The following ASCC3 variants were observed in gnomAD, a reference collection of about 807,000 sequenced individuals.
ASCC3 encodes activating signal cointegrator 1 complex subunit 3.
In ASCC3, 158 loss-of-function variants were observed where a neutral mutation model predicts 256.3. That is an observed-to-expected ratio of 0.62 (90% confidence interval 0.54 to 0.70). The LOEUF is 0.70. Among genes scored for constraint, ASCC3 ranks in the 30% least tolerant of loss-of-function variants. ASCC3 has a pLI of 0.00. For missense variants in ASCC3, 2,259 were observed against 2,626.0 expected, an observed-to-expected ratio of 0.86 and a Z score of 3.05; for synonymous variants, 948 against 883.4, an observed-to-expected ratio of 1.07 and a Z score of -1.30.
At chr6:100,576,224 G>T in intron 36 of ASCC3, among the ~76,000 whole-genome samples, 1 of 151,668 alleles carries the variant, frequency 6.6e-6, no homozygotes, top group East Asian at 1.9e-4. Flanking sequence ...ACTTGGCAAG[G>T]GTTCTTATGA....
At chr6:100,685,339 A>G (rs1777523251) in intron 13 of ASCC3, among the ~76,000 whole-genome samples, 1 of 152,108 alleles carries the variant, frequency 6.6e-6, no homozygotes, top group Non-Finnish European at 1.5e-5. Flanking sequence ...ACAGCCACTT[A>G]TCTGTCTTGC....
At chr6:100,737,028 T>A (rs1444731998) in intron 10 of ASCC3, among the ~76,000 whole-genome samples, 1 of 151,902 alleles carries the variant, frequency 6.6e-6, no homozygotes, top group Admixed American at 6.6e-5. Flanking sequence ...GCGCCTGTAG[T>A]CCCAGCTACT....
At chr6:100,564,855 G>T (rs1272178559) in intron 36 of ASCC3, among the ~76,000 whole-genome samples, 1 of 152,142 alleles carries the variant, frequency 6.6e-6, no homozygotes, top group Non-Finnish European at 1.5e-5. Context: ...AGTTGTAGAA[G>T]AAGGAAGAGA....
chr6:100,642,521 A>G (rs1775177758), intron 24 of ASCC3, 60 bp downstream of exon 24: 1 of 1,565,322 alleles, frequency 6.4e-7, no homozygotes. Flanking sequence ...ATTTTTCAAC[A>G]TTAATTAAAA....
chr6:100,602,524 G>A (rs1250246549), intron 33 of ASCC3, among the ~76,000 whole-genome samples: 1 of 152,038 alleles, frequency 6.6e-6, no homozygotes, highest in Non-Finnish European at 1.5e-5. Context: ...GTAAGAGCAG[G>A]CAACAGAAGA....
chr6:100,613,220 A>T (rs1773497636), intron 30 of ASCC3, among the ~76,000 whole-genome samples: 1 of 151,954 alleles, frequency 6.6e-6, no homozygotes, highest in African/African-American at 2.4e-5. Context: ...CATTGTACCC[A>T]TTAAGTAATT....
intron 3 of ASCC3, among the ~76,000 whole-genome samples, chr6:100,851,004 G>C (rs1772639053): frequency 6.6e-6 from 1 of 151,914 alleles, no homozygotes; most frequent in African/African-American, 2.4e-5. Context: ...AGATAGTATT[G>C]CTAACACTTT....
intron 14 of ASCC3, among the ~76,000 whole-genome samples, chr6:100,676,392 C>T (rs889383756): frequency 6.6e-6 from 1 of 152,140 alleles, no homozygotes; most frequent in Admixed American, 6.5e-5. Context: ...AGGCCACAAA[C>T]CTTCTAGAGG....
intron 39 of ASCC3, among the ~76,000 whole-genome samples, chr6:100,515,272 T>A (rs1286449930): frequency 6.6e-6 from 1 of 152,186 alleles, no homozygotes; most frequent in East Asian, 1.9e-4. Flanking sequence ...GCATTTATTA[T>A]GAATATTTAA....
chr6:100,606,947 G>C lies in ASCC3; in HGVS notation c.4923+4C>G. The C allele has an allele frequency of 1.9e-6, 3 of 1,613,120 alleles. No homozygotes were observed. Among genetic ancestry groups the C allele is most frequent in the Non-Finnish European group, 2.5e-6 (3 of 1,179,542 alleles). On this transcript the variant is annotated splice_donor_region_variant and intron_variant, in intron 31 of 41. Transcript: ENST00000369162. ...ATATGTGTTCACTGGAGAAAAAAAA[G>C]TACCTGAACTTTACAGTTTACAAAT...
intron 37 of ASCC3, among the ~76,000 whole-genome samples, chr6:100,527,541 T>C (rs939307965): frequency 7.9e-5 from 12 of 152,190 alleles, no homozygotes; most frequent in African/African-American, 2.9e-4. Flanking sequence ...CATTCTTTAA[T>C]ACATCACCAA....
intron 17 of ASCC3, among the ~76,000 whole-genome samples, chr6:100,653,980 T>C (rs1376700013): frequency 1.3e-5 from 2 of 152,038 alleles, no homozygotes; most frequent in African/African-American, 4.8e-5. Context: ...ACTACTACCA[T>C]TTGTTCTAAC....
At chr6:100,593,273 C>A (rs944188987) in intron 34 of ASCC3, among the ~76,000 whole-genome samples, 2 of 152,072 alleles carry the variant, frequency 1.3e-5, no homozygotes, top group Non-Finnish European at 2.9e-5. Flanking sequence ...CTGACAGCAT[C>A]CAGCACATGG....
chr6:100,623,177 T>C (rs1214898081), intron 30 of ASCC3, among the ~76,000 whole-genome samples: 1 of 152,174 alleles, frequency 6.6e-6, no homozygotes, highest in Non-Finnish European at 1.5e-5. Flanking sequence ...GGATGATTAT[T>C]CAGATATCAA....
At chr6:100,670,180 G>T (rs1175695311) in intron 14 of ASCC3, among the ~76,000 whole-genome samples, 1 of 151,884 alleles carries the variant, frequency 6.6e-6, no homozygotes, top group East Asian at 1.9e-4. Context: ...CATAATTAAA[G>T]AAATGCCAAT....
Position 100,650,634 on chromosome 6 carries a change from A to G in ASCC3, c.3156T>C (p.Asn1052=). 6.2e-7 allele frequency: 1 copy of G among 1,612,782 alleles called. No individual in the cohort carries two copies. The highest frequency in any genetic ancestry group is 8.5e-7 in the Non-Finnish European group (1 of 1,179,108). ...GTAAGATGTTTATTTTCCCATAACT[A>G]TTCTCTACACCTCCAGGAGTGGAGA... is the stretch of plus-strand genomic sequence containing the variant. ...CELSTPGGVE[N]SYGKINILLQ... The change falls in exon 20 of 42, where the codon AAT becomes AAC. Residue 1052 remains asparagine (N), a synonymous_variant. Coordinates refer to ENST00000369162, the MANE Select transcript of ASCC3 (RefSeq NM_006828.4).
At chr6:100,814,925 C>T (rs965628342) in intron 4 of ASCC3, among the ~76,000 whole-genome samples, 1 of 151,948 alleles carries the variant, frequency 6.6e-6, no homozygotes, top group African/African-American at 2.4e-5. Context: ...TTTCATGTCT[C>T]AATCTCCTTC....
intron 30 of ASCC3, among the ~76,000 whole-genome samples, chr6:100,620,009 T>G (rs1483864788): frequency 1.3e-5 from 2 of 152,084 alleles, no homozygotes; most frequent in Non-Finnish European, 2.9e-5. Flanking sequence ...AATTTTTTAA[T>G]TAAATGTAGG....
At chr6:100,753,638 G>A (rs988819194) in intron 10 of ASCC3, among the ~76,000 whole-genome samples, 1 of 151,964 alleles carries the variant, frequency 6.6e-6, no homozygotes, top group Non-Finnish European at 1.5e-5. Flanking sequence ...TTAGCCACTC[G>A]AGTAGTTGGT....
Sources: gnomAD v4.1 joint callset for allele counts (sites outside exome capture counted in the v4.1 genomes callset) on GRCh38, gnomAD v4.1.1 for gene constraint, MANE v1.5 for transcripts, NCBI Gene and HGNC (gene_info 2026-07-23, HGNC 2026-07-21) for gene names.